Variants in TTC1 observed in about 807,000 individuals in gnomAD.
TTC1 encodes tetratricopeptide repeat domain 1.
In TTC1, 31 loss-of-function variants were observed where a neutral mutation model predicts 37.6. That is an observed-to-expected ratio of 0.82 (90% CI 0.62 to 1.11). The LOEUF (loss-of-function observed/expected upper bound fraction) is 1.11. Ranked by LOEUF, TTC1 falls within the 50% of genes most tolerant of loss-of-function variation. The pLI, the probability that TTC1 is intolerant of heterozygous loss-of-function variation, is 0.00. For missense variants in TTC1, 351 were observed against 339.0 expected (o/e 1.04, Z -0.28); for synonymous variants, 127 against 122.4 (o/e 1.04, Z -0.25).
At chr5:160,054,936 A>C (rs974754731) in intron 7 of TTC1, among the ~76,000 whole-genome samples, 1 of 152,212 alleles carries the variant, frequency 6.6e-6, no homozygotes, top group Non-Finnish European at 1.5e-5. Context: ...CTCAACTGTA[A>C]GATACTTAGG....
chr5:160,055,123 C>G (rs1757509369), intron 7 of TTC1, among the ~76,000 whole-genome samples: 1 of 152,188 alleles, frequency 6.6e-6, no homozygotes, highest in Non-Finnish European at 1.5e-5. Context: ...GGTCTCCAAA[C>G]AAGCTTTGAT....
chr5:160,055,055 C>T (rs1054790333), intron 7 of TTC1, among the ~76,000 whole-genome samples: 6 of 152,078 alleles, frequency 3.9e-5, no homozygotes, highest in African/African-American at 1.4e-4. Context: ...GCACATGAGT[C>T]ATTATTTATG....
chr5:160,037,246 G>A (rs550392340), intron 4 of TTC1, among the ~76,000 whole-genome samples: 70 of 152,284 alleles, frequency 4.6e-4, no homozygotes, highest in Non-Finnish European at 1.0e-4. Context: ...TCAAAGTATG[G>A]ACACTTGGAG....
intron 2 of TTC1, among the ~76,000 whole-genome samples, chr5:160,027,650 A>G (rs988844823): frequency 6.6e-6 from 1 of 152,196 alleles, no homozygotes; most frequent in Non-Finnish European, 1.5e-5. Context: ...TATATTTGTG[A>G]GGCAGGTTTC....
chr5:160,054,060 G>A (rs1479547608), intron 7 of TTC1, among the ~76,000 whole-genome samples: 2 of 152,106 alleles, frequency 1.3e-5, no homozygotes, highest in African/African-American at 4.8e-5. Flanking sequence ...AGCAGCTGGA[G>A]TGGGGGTTGG....
rs184397028 is a variant in TTC1, at chr5:160,038,882, C to T, written c.504+2079C>T. The T allele has an allele frequency of 4.6e-3, 700 of 152,254 alleles. 6 individuals carry two copies. Among genetic ancestry groups the T allele is most frequent in the South Asian group, 0.018 (85 of 4,834 alleles). The allele number at this position is 152,254 out of a possible 1,614,324, so 9.4% of individuals were successfully genotyped here. A position where few individuals can be genotyped will look rare whatever the true frequency, so the allele number is the denominator to read the frequency against. On this transcript the variant is annotated intron_variant, in intron 4 of 7. Coordinates refer to ENST00000231238, the MANE Select transcript of TTC1 (RefSeq NM_003314.3). ...TTCACCATGTTGGTCAAGCTGGTCT[C>T]AAACTCCTGACCTCGTGATCCGCCC...
chr5:160,021,697 T>C (rs1393008963), intron 2 of TTC1, among the ~76,000 whole-genome samples: 9 of 152,186 alleles, frequency 5.9e-5, no homozygotes, highest in Admixed American at 3.3e-4. Flanking sequence ...GCAAGTGATA[T>C]CTGATTTCAA....
intron 4 of TTC1, among the ~76,000 whole-genome samples, chr5:160,042,668 G>A (rs1757119843): frequency 6.6e-6 from 1 of 152,162 alleles, no homozygotes; most frequent in Non-Finnish European, 1.5e-5. Context: ...TTATAACTGA[G>A]ACTACATGAC....
chr5:160,009,914 G>T (rs899854905), intron 1 of TTC1, among the ~76,000 whole-genome samples: 1 of 152,180 alleles, frequency 6.6e-6, no homozygotes, highest in Admixed American at 6.5e-5. Context: ...GCTTCCTGTG[G>T]TGGTGCTAAA....
At chr5:160,012,367 G>GA (rs1177034827) in intron 2 of TTC1, among the ~76,000 whole-genome samples, 1 of 150,466 alleles carries the variant, frequency 6.6e-6, no homozygotes, top group African/African-American at 2.5e-5. Flanking sequence ...ATACTTTTAT[G>GA]ATTTTTTTTT....
At chr5:160,053,349 T>C (rs1308143297) in intron 7 of TTC1, among the ~76,000 whole-genome samples, 1 of 152,084 alleles carries the variant, frequency 6.6e-6, no homozygotes. Context: ...TCCCAGCAAT[T>C]TGGGAGGCTG....
At chr5:160,056,544 C>G (rs953243077) in intron 7 of TTC1, among the ~76,000 whole-genome samples, 3 of 152,056 alleles carry the variant, frequency 2.0e-5, no homozygotes, top group Non-Finnish European at 4.4e-5. Flanking sequence ...GGCAGCATAG[C>G]AAGACCCTGT....
At chr5:160,056,515 A>G (rs1757551277) in intron 7 of TTC1, among the ~76,000 whole-genome samples, 1 of 152,132 alleles carries the variant, frequency 6.6e-6, no homozygotes, top group South Asian at 2.1e-4. Flanking sequence ...CTGCAGTTGA[A>G]GAGTTCAAGA....
chr5:160,058,454 A>T (rs985745612), intron 7 of TTC1, among the ~76,000 whole-genome samples: 6 of 135,398 alleles, frequency 4.4e-5, no homozygotes, highest in African/African-American at 1.7e-4. Context: ...TGTGTCGCCC[A>T]GGCTGGAGTG....
chr5:160,015,531 C>T (rs578163124), intron 2 of TTC1, among the ~76,000 whole-genome samples: 1 of 152,278 alleles, frequency 6.6e-6, no homozygotes, highest in Admixed American at 6.5e-5. Flanking sequence ...AACTAGAAAT[C>T]TGATGAGCTT....
intron 2 of TTC1, among the ~76,000 whole-genome samples, chr5:160,034,635 C>G (rs755545137): frequency 2.6e-5 from 4 of 152,126 alleles, no homozygotes; most frequent in Non-Finnish European, 4.4e-5. Flanking sequence ...GTATGGGCAG[C>G]TTTATGTATA....
chr5:160,010,926 A>T (rs896429071), intron 2 of TTC1, 68 bp downstream of exon 2: 1 of 1,385,714 alleles, frequency 7.2e-7, no homozygotes, highest in East Asian at 2.3e-5. Flanking sequence ...TCGATACTGT[A>T]TCATAGACCA....
chr5:160,017,341 G>T (rs1756624986), intron 2 of TTC1, among the ~76,000 whole-genome samples: 2 of 152,154 alleles, frequency 1.3e-5, no homozygotes, highest in Admixed American at 1.3e-4. Flanking sequence ...CAATTTTAGT[G>T]TCTGGTGAGG....
intron 2 of TTC1, among the ~76,000 whole-genome samples, chr5:160,033,197 A>G (rs555130043): frequency 6.6e-6 from 1 of 152,276 alleles, no homozygotes; most frequent in Non-Finnish European, 1.5e-5. Flanking sequence ...CATCTTTCTT[A>G]TGGGTAGTAC....
Sources: gnomAD v4.1 joint callset for allele counts (sites outside exome capture counted in the v4.1 genomes callset) on GRCh38, gnomAD v4.1.1 for gene constraint, MANE v1.5 for transcripts, NCBI Gene and HGNC (gene_info 2026-07-23, HGNC 2026-07-21) for gene names.